The following GAL3ST2 variants were observed in gnomAD, a reference collection of about 807,000 sequenced individuals.
GAL3ST2 encodes the protein beta-galactose-3-O-sulfotransferase 2.
Under a neutral mutation model 12.9 loss-of-function variants are expected in GAL3ST2, and 16 were observed. The ratio of observed to expected loss-of-function variants is 1.24; its 90% CI spans 0.84 to 1.88. The LOEUF (loss-of-function observed/expected upper bound fraction) is 1.88, where lower values mean the gene tolerates loss of function less well. Ranked by LOEUF, GAL3ST2 falls within the 40% of genes most tolerant of loss-of-function variation. The probability of loss-of-function intolerance (pLI) is 0.00; values close to 1 mark genes in which losing one functional copy is unlikely to be tolerated. For missense variants in GAL3ST2, 639 were observed against 571.8 expected (o/e 1.12, Z -1.20); for synonymous variants, 302 against 273.9 (o/e 1.10, Z -1.01).
chr2:241,797,607 G>A (rs755205232), intron 1 of GAL3ST2, among the ~76,000 whole-genome samples: 13 of 147,802 alleles, frequency 8.8e-5, no homozygotes, highest in Admixed American at 2.7e-4. Context: ...AGCCCTCCCC[G>A]CTGCTCCCAT....
At chr2:241,796,975 A>G (rs1333239530) in intron 1 of GAL3ST2, among the ~76,000 whole-genome samples, 3 of 152,286 alleles carry the variant, frequency 2.0e-5, no homozygotes, top group African/African-American at 7.2e-5. Context: ...GTTTGCTGTT[A>G]GCATGCACCT....
chr2:241,798,848 CA>C (rs1006063740), intron 1 of GAL3ST2, among the ~76,000 whole-genome samples: 103 of 152,302 alleles, frequency 6.8e-4, no homozygotes, highest in Non-Finnish European at 1.2e-3. Flanking sequence ...CTAAGCCATT[CA>C]GGGGTGGTCG....
At chr2:241,796,525 C>A (rs975555316) in intron 1 of GAL3ST2, among the ~76,000 whole-genome samples, 3 of 152,124 alleles carry the variant, frequency 2.0e-5, no homozygotes. Context: ...GTCGTCACCC[C>A]ATTTCTGTGG....
chr2:241,788,783 G>C (rs1005462098), intron 1 of GAL3ST2, among the ~76,000 whole-genome samples: 5 of 152,168 alleles, frequency 3.3e-5, no homozygotes, highest in African/African-American at 1.2e-4. Flanking sequence ...AGCCCTCTCT[G>C]AGGTCATAGA....
At position 241,804,057 on chromosome 2, in the gene GAL3ST2, T is replaced by TGG. The variant is rs755925041; in HGVS notation, c.1090_1091dup (p.Val365AlafsTer7). The stretch of plus-strand genomic sequence containing the variant: ...CGGCCGGGCCTGGACAACCAGACGC[T>TGG]GGGCGTGTGCCAGAGGCTTGTGATG... On this transcript the variant is annotated frameshift_variant, in exon 4 of 4. Transcript: ENST00000192314. LOFTEE classifies it low-confidence loss of function (END_TRUNC). 214 of 1,556,748 alleles carry TGG rather than the reference T, an allele frequency of 1.4e-4. No homozygotes were observed. The highest frequency in any genetic ancestry group is 2.8e-4 in the Admixed American group (15 of 52,888).
chr2:241,797,901 T>C (rs1306583257), intron 1 of GAL3ST2, among the ~76,000 whole-genome samples: 1 of 152,178 alleles, frequency 6.6e-6, no homozygotes, highest in Non-Finnish European at 1.5e-5. Context: ...AGCTCACCCC[T>C]TGTGTCCTCT....
At chr2:241,796,686 G>T (rs1228688643) in intron 1 of GAL3ST2, among the ~76,000 whole-genome samples, 5 of 152,226 alleles carry the variant, frequency 3.3e-5, no homozygotes, top group African/African-American at 1.2e-4. Flanking sequence ...TTGTCTGAAA[G>T]GGAGGCACAG....
At chr2:241,783,815 C>A (rs1419048787) in intron 1 of GAL3ST2, among the ~76,000 whole-genome samples, 1 of 152,202 alleles carries the variant, frequency 6.6e-6, no homozygotes, top group South Asian at 2.1e-4. Flanking sequence ...AACCTCCAGG[C>A]CATCCTTGTT....
At chr2:241,788,683 C>T (rs62193063) in intron 1 of GAL3ST2, among the ~76,000 whole-genome samples, 37,459 of 152,056 alleles carry the variant, frequency 0.25, 5,880 homozygotes, top group African/African-American at 0.45. Context: ...CTGTGACATG[C>T]AGCAGCCCTT....
At chr2:241,778,221 C>T (rs1444358167) in intron 1 of GAL3ST2, among the ~76,000 whole-genome samples, 2 of 152,212 alleles carry the variant, frequency 1.3e-5, no homozygotes, top group Admixed American at 6.5e-5. Context: ...AGGCTCACCT[C>T]GCTTGTGTCA....
intron 1 of GAL3ST2, among the ~76,000 whole-genome samples, chr2:241,777,579 G>T (rs1699503418): frequency 6.6e-6 from 1 of 152,200 alleles, no homozygotes; most frequent in South Asian, 2.1e-4. Context: ...TGTTTGGGGT[G>T]ATTCCAGGGC....
At position 241,793,474 on chromosome 2, in the gene GAL3ST2, ATG is replaced by A. The variant is rs1240072425; in HGVS notation, c.30-5587_30-5586del. Among the ~76,000 whole-genome samples the A allele has an allele frequency of 1.3e-5, 2 of 151,678 alleles. No individual in the cohort carries two copies. The highest frequency in any genetic ancestry group is 4.9e-5 in the African/African-American group (2 of 41,188). On this transcript the variant is annotated intron_variant, in intron 1 of 3. Transcript: ENST00000192314. This position sits in a 1 kb window ranked among gnomAD's most constrained non-coding sequence, Gnocchi z 4.7. ...TGTGTATGCGTGTGTATGTGTATGC[ATG>A]TGTATTATATGTACATATTGTGTAT...
rs375836718 is a variant in GAL3ST2 at position 241,803,617 on chromosome 2, G to A, written c.648G>A (p.Glu216=). ...EEGYVRARIA[E]VERRFRLVLI... is the part of the protein sequence containing the mutation. Reference sequence around the variant, plus strand: ...GCTACGTGCGCGCGCGCATCGCCGAGGTGGAGCGGCGCTTCCGGCTGGTGC... The same window carrying A: ...GCTACGTGCGCGCGCGCATCGCCGAAGTGGAGCGGCGCTTCCGGCTGGTGC... The change falls in exon 4 of 4, where the codon GAG becomes GAA. Residue 216 remains glutamate (E), a synonymous_variant. Transcript: ENST00000192314. 10 of 1,559,718 alleles carry A rather than the reference G, an allele frequency of 6.4e-6. No individual in the cohort carries two copies. The highest frequency in any genetic ancestry group is 8.7e-7 in the Non-Finnish European group (1 of 1,151,468).
rs1268570665 is a variant in GAL3ST2 at position 241,801,898 on chromosome 2, C to T, written c.237C>T (p.Asn79=). 2.5e-6 allele frequency: 4 copies of T among 1,613,054 alleles called. No individual in the cohort carries two copies. The highest frequency in any genetic ancestry group is 2.2e-5 in the South Asian group (2 of 91,084). The part of the protein sequence containing the change: ...NILYRFAETH[N]LSVALPAGSR... ...TCTACCGCTTCGCCGAGACCCACAA[C>T]CTGTCCGTGGCGCTGCCCGCCGGCT... is the stretch of plus-strand genomic sequence containing the variant. The change falls in exon 3 of 4, where the codon AAC becomes AAT. Residue 79 remains asparagine, a synonymous_variant. Coordinates refer to ENST00000192314, the MANE Select transcript of GAL3ST2 (RefSeq NM_022134.3). This position sits in a 1 kb window ranked among gnomAD's most constrained non-coding sequence, Gnocchi z 4.4.
At position 241,801,511 on chromosome 2, in the gene GAL3ST2, A is replaced by C; in HGVS notation, c.120-270A>C. The C allele has an allele frequency of 1.9e-6, 1 of 519,564 alleles. No individual in the cohort carries two copies. Among genetic ancestry groups the C allele is most frequent in the Non-Finnish European group, 3.4e-6 (1 of 295,784 alleles). The allele number at this position is 519,564 out of a possible 1,614,324, so 32.2% of individuals were successfully genotyped here. On this transcript the variant is annotated intron_variant, in intron 2 of 3. Transcript: ENST00000192314. The surrounding 1 kb of genome is among the most constrained non-coding windows in gnomAD (Gnocchi z 4.4). ...CAAGATGGGGTTCATTTAGGGTTTT[A>C]TTTTTAGTTCTCGGGGGCACAGGGT...
intron 1 of GAL3ST2, among the ~76,000 whole-genome samples, chr2:241,784,372 T>C (rs966761152): frequency 6.6e-6 from 1 of 152,268 alleles, no homozygotes; most frequent in Middle Eastern, 3.4e-3. Flanking sequence ...ATAAAGACCA[T>C]TCTGTTTTGG....
In GAL3ST2 at chr2:241,801,794, C is replaced by T. The variant is rs759028855; in HGVS notation, c.133C>T (p.Gln45Ter). Residue 45 changes from glutamine to a stop codon, truncating the protein, a stop_gained, in exon 3 of 4, where the codon CAG becomes TAG. Coordinates refer to ENST00000192314, the MANE Select transcript of GAL3ST2 (RefSeq NM_022134.3). LOFTEE classifies it high-confidence loss of function. The surrounding 1 kb of genome is among the most constrained non-coding windows in gnomAD (Gnocchi z 4.4). ...LELDTPLFGG[Q>*]AEGPPVTNIM... Reference sequence around the variant, plus strand: ...CTTCCCTCCCAGCCTGTTTGGGGGCCAGGCTGAGGGGCCGCCGGTCACCAA... The same window carrying T: ...CTTCCCTCCCAGCCTGTTTGGGGGCTAGGCTGAGGGGCCGCCGGTCACCAA... 5.6e-6 allele frequency: 9 copies of T among 1,612,508 alleles called. No individual in the cohort carries two copies. Among genetic ancestry groups the T allele is most frequent in the South Asian group, 2.2e-5 (2 of 91,048 alleles).
At chr2:241,777,268 T>C (rs1699500045) in intron 1 of GAL3ST2, among the ~76,000 whole-genome samples, 1 of 152,076 alleles carries the variant, frequency 6.6e-6, no homozygotes, top group Non-Finnish European at 1.5e-5. Flanking sequence ...GACGCTCGAG[T>C]GTCCGCGTGA....
Position 241,803,344 on chromosome 2 carries a change from G to C in GAL3ST2, c.376-1G>C, listed in dbSNP as rs760520800. The C allele has an allele frequency of 1.3e-6, 2 of 1,592,814 alleles. No individual in the cohort carries two copies. The highest frequency in any genetic ancestry group is 1.7e-6 in the Non-Finnish European group (2 of 1,166,212). On this transcript the variant is annotated splice_acceptor_variant, in intron 3 of 3. Transcript: ENST00000192314. LOFTEE classifies it high-confidence loss of function. ...CAGCCCGCCTCTCTGTCGCCACACA[G>C]GTGCAGAAAGTCATGCCCAACGACA...
Sources: gnomAD v4.1 joint callset for allele counts (sites outside exome capture counted in the v4.1 genomes callset) on GRCh38, gnomAD v4.1.1 for gene constraint, Gnocchi (gnomAD v3.1) non-coding constraint, MANE v1.5 for transcripts, NCBI Gene and HGNC (gene_info 2026-07-23, HGNC 2026-07-21) for gene names.